The following ZZZ3 variants were observed in gnomAD, a reference collection of about 807,000 sequenced individuals.
The protein encoded by ZZZ3 is zinc finger ZZ-type containing 3, also known as ZZ-type zinc finger-containing protein 3.
ZZZ3 carries 22 observed loss-of-function variants against 95.2 expected under a neutral mutation model. That is an observed-to-expected ratio of 0.23 (90% CI 0.17 to 0.33). ZZZ3 has a LOEUF of 0.33. Ranked by LOEUF, ZZZ3 falls within the 10% of genes least tolerant of loss-of-function variation. ZZZ3 has a pLI of 1.00. For missense variants in ZZZ3, 885 were observed against 1,066.5 expected (o/e 0.83, Z 2.37); for synonymous variants, 335 against 358.9 (o/e 0.93, Z 0.75).
chr1:77,573,614 T>C (rs1272790637), intron 12 of ZZZ3, among the ~76,000 whole-genome samples: 1 of 152,186 alleles, frequency 6.6e-6, no homozygotes. Context: ...TCACAAAGTA[T>C]GAAATTATAC....
chr1:77,578,893 T>C (rs759915955), intron 10 of ZZZ3, 24 bp from the exon 11 acceptor site: 5 of 1,458,728 alleles, frequency 3.4e-6, no homozygotes, highest in South Asian at 2.8e-5. Context: ...ACAAGTCTCT[T>C]AACACAATGA....
intron 5 of ZZZ3, among the ~76,000 whole-genome samples, chr1:77,630,991 G>T (rs991752441): frequency 1.3e-5 from 2 of 152,160 alleles, no homozygotes; most frequent in African/African-American, 4.8e-5. Context: ...TATTACATAA[G>T]TCTGTCTTTT....
At chr1:77,576,355 G>T in intron 11 of ZZZ3, 135 bp from the exon 12 acceptor site, 1 of 709,618 alleles carries the variant, frequency 1.4e-6, no homozygotes, top group Non-Finnish European at 2.1e-6. Context: ...CTCTTATGTT[G>T]TTGCTTTTTC....
chr1:77,594,407 T>G (rs1025885689), intron 5 of ZZZ3, among the ~76,000 whole-genome samples: 1 of 152,130 alleles, frequency 6.6e-6, no homozygotes, highest in Non-Finnish European at 1.5e-5. Flanking sequence ...TATTTTATTA[T>G]ATTGTGTGAT....
At chr1:77,644,148 C>T (rs1292299995) in intron 1 of ZZZ3, among the ~76,000 whole-genome samples, 4 of 152,036 alleles carry the variant, frequency 2.6e-5, no homozygotes, top group African/African-American at 9.7e-5. Flanking sequence ...TCAATGCAGC[C>T]TCTGCCTCCT....
At chr1:77,594,321 G>A (rs749041525) in intron 5 of ZZZ3, among the ~76,000 whole-genome samples, 2 of 152,060 alleles carry the variant, frequency 1.3e-5, no homozygotes, top group Non-Finnish European at 2.9e-5. Context: ...TGTTCCCTAG[G>A]TCACTAAACA....
intron 5 of ZZZ3, among the ~76,000 whole-genome samples, chr1:77,620,637 C>T (rs951329497): frequency 2.0e-5 from 3 of 151,962 alleles, no homozygotes; most frequent in African/African-American, 7.3e-5. Flanking sequence ...AAAGACTCCA[C>T]CAAATCAAGG....
chr1:77,650,639 G>A (rs1669719353), intron 1 of ZZZ3, among the ~76,000 whole-genome samples: 1 of 148,524 alleles, frequency 6.7e-6, no homozygotes, highest in African/African-American at 2.5e-5. Context: ...AGGTCTCAAT[G>A]ATGTCAGCTT....
chr1:77,580,884 C>A, intron 9 of ZZZ3, 114 bp downstream of exon 9: 1 of 870,690 alleles, frequency 1.1e-6, no homozygotes, highest in Non-Finnish European at 1.9e-6. Flanking sequence ...TATCAGCCTC[C>A]CAAAGTGCTG....
chr1:77,587,988 G>C (rs1473589662), intron 5 of ZZZ3, among the ~76,000 whole-genome samples: 1 of 152,174 alleles, frequency 6.6e-6, no homozygotes, highest in Non-Finnish European at 1.5e-5. Context: ...AAGGAATACA[G>C]TATAAAGTAC....
At chr1:77,611,772 T>C (rs1345839362) in intron 5 of ZZZ3, among the ~76,000 whole-genome samples, 1 of 151,898 alleles carries the variant, frequency 6.6e-6, no homozygotes, top group Non-Finnish European at 1.5e-5. Context: ...AAACTGGATA[T>C]CCACAAGCAT....
chr1:77,608,132 G>C (rs1570489686), intron 5 of ZZZ3, among the ~76,000 whole-genome samples: 1 of 152,174 alleles, frequency 6.6e-6, no homozygotes, highest in East Asian at 1.9e-4. Flanking sequence ...CCCAAACCTA[G>C]AGAAAGGTAT....
At chr1:77,627,361 T>C (rs537142843) in intron 5 of ZZZ3, among the ~76,000 whole-genome samples, 146 of 152,270 alleles carry the variant, frequency 9.6e-4, no homozygotes, top group Non-Finnish European at 1.7e-3. Context: ...TAAAATTATC[T>C]TATTCAGGGT....
At chr1:77,635,863 G>A (rs555035689) in intron 4 of ZZZ3, among the ~76,000 whole-genome samples, 7 of 152,106 alleles carry the variant, frequency 4.6e-5, no homozygotes, top group African/African-American at 7.2e-5. Context: ...CCGAGATCGC[G>A]CCACTGCACT....
At chr1:77,565,954 G>A in intron 14 of ZZZ3, 127 bp downstream of exon 14, 9 of 1,116,562 alleles carry the variant, frequency 8.1e-6, no homozygotes, top group Non-Finnish European at 1.1e-5. Context: ...TAATTGCCTA[G>A]AACAACAAAA....
chr1:77,571,285 AAAAT>A (rs770571955), intron 12 of ZZZ3, among the ~76,000 whole-genome samples: 28 of 152,282 alleles, frequency 1.8e-4, no homozygotes, highest in Admixed American at 9.2e-4. Flanking sequence ...TACTACTGAA[AAAAT>A]AAATAAATAA....
In ZZZ3 at chr1:77,632,103, T is replaced by C; in HGVS notation, c.1252A>G (p.Thr418Ala). 4 of 1,614,120 alleles carry C rather than the reference T, an allele frequency of 2.5e-6. No individual in the cohort carries two copies. The highest frequency in any genetic ancestry group is 3.4e-6 in the Non-Finnish European group (4 of 1,179,996). Residue 418 changes from threonine to alanine, a missense_variant, in exon 5 of 15, where the codon ACT (threonine) becomes GCT (alanine). Physicochemically the swap from Thr to Ala is moderately conservative, Grantham distance 58 (BLOSUM62 0). Coordinates refer to ENST00000370801, the MANE Select transcript of ZZZ3 (RefSeq NM_015534.6). ...GATTGACTTACATTATCACTAACAGTTGCATTTGTTTCATTAGGACTAAGA... is the reference window on the plus strand; with the variant it reads ...GATTGACTTACATTATCACTAACAGCTGCATTTGTTTCATTAGGACTAAGA... ...NNLSPNETNATVSDNVSQSPT... is the reference protein window; with the variant it reads ...NNLSPNETNAAVSDNVSQSPT...
At chr1:77,566,909 G>A (rs1660884786) in intron 13 of ZZZ3, among the ~76,000 whole-genome samples, 1 of 152,184 alleles carries the variant, frequency 6.6e-6, no homozygotes, top group South Asian at 2.1e-4. Context: ...GTGGCTGACA[G>A]AATGGCAAAC....
chr1:77,670,765 A>C (rs557998423), intron 1 of ZZZ3, among the ~76,000 whole-genome samples: 81 of 152,106 alleles, frequency 5.3e-4, no homozygotes, highest in East Asian at 3.9e-4. Context: ...CAAAACAAAA[A>C]AAAAACACCC....
Sources: allele counts gnomAD v4.1 joint callset (sites outside exome capture counted in the v4.1 genomes callset), GRCh38; gene constraint gnomAD v4.1.1; transcripts MANE v1.5; gene names NCBI Gene and HGNC (gene_info 2026-07-23, HGNC 2026-07-21).